The following DNAH8 variants were observed in gnomAD, a reference collection of about 807,000 sequenced individuals.
DNAH8 encodes axonemal beta dynein heavy chain 8.
In DNAH8, 382 loss-of-function variants were observed where a neutral mutation model predicts 562.1. The ratio of observed to expected loss-of-function variants is 0.68; its 90% CI spans 0.63 to 0.74. The LOEUF is 0.74. Ranked by LOEUF, DNAH8 falls within the 30% of genes least tolerant of loss-of-function variation. The pLI, the probability that DNAH8 is intolerant of heterozygous loss-of-function variation, is 0.00. For missense variants in DNAH8, 5,203 were observed against 5,620.4 expected (o/e 0.93, Z 2.37); for synonymous variants, 1,881 against 1,919.4 (o/e 0.98, Z 0.52).
Position 38,777,690 on chromosome 6 carries a change from A to G in DNAH8, c.1963-698A>G, listed in dbSNP as rs1331571838. Among the ~76,000 whole-genome samples, 3 of 152,086 alleles carry G rather than the reference A, an allele frequency of 2.0e-5. No homozygotes were observed. In the East Asian group the frequency reaches 5.8e-4, roughly 29 times the overall value. On this transcript the variant is annotated intron_variant, in intron 13 of 92. Transcript: ENST00000327475. ...TCAAGCTATCCTCCCATCTCCCCCC[A>G]CAAAAGGCTGAGATTACAGGCATGA... is the stretch of plus-strand genomic sequence containing the variant.
At chr6:38,761,557 A>G (rs961487402) in intron 10 of DNAH8, 145 bp from the exon 11 acceptor site, 9 of 392,534 alleles carry the variant, frequency 2.3e-5, no homozygotes, top group Non-Finnish European at 3.9e-5. Context: ...TGGCCTCCCA[A>G]AGTACTGGGA....
chr6:39,001,969 C>A (rs1287681912), intron 88 of DNAH8, among the ~76,000 whole-genome samples: 3 of 152,042 alleles, frequency 2.0e-5, no homozygotes, highest in Non-Finnish European at 2.9e-5. Flanking sequence ...GTCTGGGGAG[C>A]CACAGCAAGG....
At chr6:38,998,947 A>G (rs1765313085) in intron 88 of DNAH8, among the ~76,000 whole-genome samples, 1 of 152,208 alleles carries the variant, frequency 6.6e-6, no homozygotes, top group African/African-American at 2.4e-5. Flanking sequence ...CTAGCTAACT[A>G]GGCTTCTGCC....
At chr6:38,949,426 C>A in intron 80 of DNAH8, 26 bp from the exon 81 acceptor site, 1 of 1,373,050 alleles carries the variant, frequency 7.3e-7, no homozygotes, top group Non-Finnish European at 1.0e-6. Context: ...AGTTCTGTGG[C>A]TTGCTAATTG....
chr6:38,871,773 C>T (rs191865616), intron 49 of DNAH8, among the ~76,000 whole-genome samples: 6 of 152,224 alleles, frequency 3.9e-5, no homozygotes, highest in Admixed American at 3.9e-4. Context: ...AAAAGGAGGC[C>T]TGGAGCCATT....
At chr6:38,933,582 G>A (rs9462466) in intron 76 of DNAH8, among the ~76,000 whole-genome samples, 18,746 of 152,222 alleles carry the variant, frequency 0.12, 1,266 homozygotes, top group South Asian at 0.23. Context: ...AGAAAAGGAA[G>A]CTAATATGAT....
Position 38,853,622 on chromosome 6 carries a change from C to T in DNAH8, c.5733+275C>T, listed in dbSNP as rs112470129. ...TGAGTCTAATAGATACATATGTAAG[C>T]GTGTGTGTGTGTGTGTATTTGTATA... On this transcript the variant is annotated intron_variant, in intron 41 of 92. Transcript: ENST00000327475. Among the ~76,000 whole-genome samples, 429 of 150,986 alleles carry T rather than the reference C, an allele frequency of 2.8e-3. 1 individual carries two copies. Among genetic ancestry groups the T allele is most frequent in the African/African-American group, 9.9e-3 (408 of 41,196 alleles).
chr6:38,865,986 A>G (rs1232089311), intron 45 of DNAH8, among the ~76,000 whole-genome samples: 1 of 152,134 alleles, frequency 6.6e-6, no homozygotes, highest in Non-Finnish European at 1.5e-5. Flanking sequence ...CCTCTGTTCA[A>G]CCTGTTGCTT....
chr6:38,885,265 C>T (rs896801824), intron 56 of DNAH8, among the ~76,000 whole-genome samples: 8 of 152,260 alleles, frequency 5.3e-5, no homozygotes, highest in African/African-American at 1.9e-4. Context: ...ACAGTCTTCT[C>T]TCTCTCAGCA....
chr6:38,887,031 A>T (rs200089658), intron 57 of DNAH8, 27 bp downstream of exon 57: 3 of 1,465,436 alleles, frequency 2.0e-6, no homozygotes, highest in Non-Finnish European at 2.9e-6. Context: ...CGTTTATTTT[A>T]TTGCATTACA....
intron 53 of DNAH8, among the ~76,000 whole-genome samples, chr6:38,876,812 T>A (rs1242716490): frequency 6.6e-6 from 1 of 152,160 alleles, no homozygotes; most frequent in Non-Finnish European, 1.5e-5. Context: ...GAGGGTTTCC[T>A]AGACTTGGGG....
chr6:38,990,141 G>A lies in DNAH8; in HGVS notation c.13183G>A (p.Val4395Ile). The A allele has an allele frequency of 1.2e-6, 2 of 1,612,440 alleles. No homozygotes were observed. Among genetic ancestry groups the A allele is most frequent in the Non-Finnish European group, 1.7e-6 (2 of 1,178,844 alleles). ...QSLPSLDNPE[V>I]FGLHPNADIT... ...ACTGCCATCCCTAGATAACCCTGAAGTCTTTGGGCTTCACCCTAATGCTGA... is the reference window on the plus strand; with the variant it reads ...ACTGCCATCCCTAGATAACCCTGAAATCTTTGGGCTTCACCCTAATGCTGA... The change falls in exon 88 of 93, where the codon GTC (valine) becomes ATC (isoleucine). Residue 4395 changes from valine (V) to isoleucine (I), a missense_variant. Val to Ile is a conservative substitution (Grantham distance 29). This residue lies in a region of DNAH8 where 1,399 missense variants were observed against 1,518.4 expected (regional missense o/e 0.92). Transcript: ENST00000327475.
chr6:38,814,915 A>C (rs1271991802), intron 25 of DNAH8, among the ~76,000 whole-genome samples: 1 of 152,160 alleles, frequency 6.6e-6, no homozygotes, highest in Non-Finnish European at 1.5e-5. Flanking sequence ...ACTCCAAGCC[A>C]CATGGGATGG....
At chr6:38,865,803 G>A (rs1244504363) in intron 45 of DNAH8, among the ~76,000 whole-genome samples, 3 of 152,210 alleles carry the variant, frequency 2.0e-5, no homozygotes, top group Middle Eastern at 3.2e-3. Flanking sequence ...GGAGTATTGA[G>A]AGGCAGCCTC....
chr6:38,952,386 G>T (rs1761974883), intron 82 of DNAH8, among the ~76,000 whole-genome samples: 1 of 152,034 alleles, frequency 6.6e-6, no homozygotes, highest in African/African-American at 2.4e-5. Flanking sequence ...AAGAAGGACT[G>T]TTTATCCCTT....
intron 21 of DNAH8, among the ~76,000 whole-genome samples, chr6:38,800,377 C>T (rs183565482): frequency 1.4e-3 from 211 of 152,150 alleles, no homozygotes; most frequent in Admixed American, 4.3e-3. Context: ...ATGAGGGTTC[C>T]AATTGCTCTA....
chr6:38,864,176 C>G, intron 45 of DNAH8, 116 bp downstream of exon 45: 1 of 881,056 alleles, frequency 1.1e-6, no homozygotes, highest in Non-Finnish European at 1.7e-6. Context: ...AAGCTGTTCT[C>G]TCTTACCATA....
rs753808577 is a variant in DNAH8, at chr6:38,857,752, CT to C, written c.5958+19del. ...TATTTTTGATGACTTGGTAAGGTAT[CT>C]TTTTTTTTAATTTAGTGTACTAACT... On this transcript the variant is annotated intron_variant, in intron 42 of 92. Coordinates refer to ENST00000327475, the MANE Select transcript of DNAH8 (RefSeq NM_001206927.2). 7.4e-4 allele frequency: 1,141 copies of C among 1,537,014 alleles called. 1 individual carries two copies. The highest frequency in any genetic ancestry group is 6.7e-3 in the African/African-American group (487 of 72,478).
intron 53 of DNAH8, 81 bp downstream of exon 53, chr6:38,875,909 GAGAA>G: frequency 1.2e-6 from 1 of 855,808 alleles, no homozygotes; most frequent in Non-Finnish European, 1.9e-6. Context: ...TCTTCTATGA[GAGAA>G]TATTAAAACA....
Sources: gnomAD v4.1 joint callset for allele counts (sites outside exome capture counted in the v4.1 genomes callset) on GRCh38, gnomAD v4.1.1 for gene constraint, gnomAD v4.1.1 regional missense constraint, MANE v1.5 for transcripts, NCBI Gene and HGNC (gene_info 2026-07-23, HGNC 2026-07-21) for gene names.